PDK1: variants seen among roughly 807,000 people sequenced by gnomAD.
The protein encoded by PDK1 is pyruvate dehydrogenase kinase 1, also known as [Pyruvate dehydrogenase (acetyl-transferring)] kinase isozyme 1, mitochondrial.
PDK1 carries 39 observed loss-of-function variants against 54.2 expected under a neutral mutation model. The ratio of observed to expected loss-of-function variants is 0.72; its 90% CI spans 0.56 to 0.94. The LOEUF (loss-of-function observed/expected upper bound fraction) is 0.94. PDK1 is among the 40% of genes least tolerant of loss of function. PDK1 has a pLI of 0.00. For missense variants in PDK1, 552 were observed against 566.0 expected, an observed-to-expected ratio of 0.98 and a Z score of 0.25; for synonymous variants, 221 against 207.1, an observed-to-expected ratio of 1.07 and a Z score of -0.58.
At chr2:172,723,593 C>G in the PDK1 span, 1 of 151,516 alleles carries the variant, frequency 6.6e-6, no homozygotes, top group African/African-American at 2.4e-5. Flanking sequence ...TGTTTTAGAT[C>G]AAAAAAAACT....
the PDK1 span, among the ~76,000 whole-genome samples, chr2:172,634,928 C>T: frequency 6.6e-4 from 100 of 152,254 alleles, no homozygotes; most frequent in African/African-American, 2.4e-3. Context: ...CATGAAGGAA[C>T]TCTTTTCAGA....
chr2:172,575,307 A>G (rs539765085), intron 8 of PDK1, among the ~76,000 whole-genome samples: 98 of 152,266 alleles, frequency 6.4e-4, no homozygotes, highest in African/African-American at 2.3e-3. Flanking sequence ...GTTTGGTTTT[A>G]GTATCAGGAT....
At chr2:172,557,645 G>GTGTGTGTGTGTGTGT (rs1688415780) in intron 1 of PDK1, among the ~76,000 whole-genome samples, 1 of 131,216 alleles carries the variant, frequency 7.6e-6, no homozygotes, top group African/African-American at 3.1e-5. Flanking sequence ...GTGTGTGTGT[G>GTGTGTGTGTGTGTGT]TATTTTTTTT....
chr2:172,592,968 C>T lies in PDK1; in HGVS notation c.1090C>T (p.Leu364Phe), dbSNP rs1256692062. The T allele has an allele frequency of 1.2e-6, 2 of 1,612,472 alleles. No individual in the cohort carries two copies. Among genetic ancestry groups the T allele is most frequent in the Non-Finnish European group, 1.7e-6 (2 of 1,178,842 alleles). Residue 364 changes from leucine to phenylalanine, a missense_variant, in exon 10 of 11, where the codon CTT (leucine) becomes TTT (phenylalanine). Physicochemically the swap from Leu to Phe is conservative, Grantham distance 22. Transcript: ENST00000282077. ...GFGYGLPISR[L>F]YAQYFQGDLK... ...TGGTTATGGATTGCCCATATCACGT[C>T]TTTACGCACAATACTTCCAAGGAGA...
chr2:172,717,192 T>C, the PDK1 span, among the ~76,000 whole-genome samples: 5 of 152,136 alleles, frequency 3.3e-5, no homozygotes, highest in African/African-American at 4.8e-5. Context: ...CATTGCTCAC[T>C]CTAGGGGAAA....
At chr2:172,592,143 G>A (rs1238470999) in intron 9 of PDK1, among the ~76,000 whole-genome samples, 1 of 152,256 alleles carries the variant, frequency 6.6e-6, no homozygotes, top group Non-Finnish European at 1.5e-5. Flanking sequence ...AGTGGTCTCA[G>A]TGCTTCCGGG....
At chr2:172,621,299 A>T in the PDK1 span, among the ~76,000 whole-genome samples, 1 of 152,152 alleles carries the variant, frequency 6.6e-6, no homozygotes, top group Non-Finnish European at 1.5e-5. Context: ...CCATCTAATC[A>T]GCTGTCAGTG....
the PDK1 span, among the ~76,000 whole-genome samples, chr2:172,614,410 C>T: frequency 1.1e-4 from 16 of 152,160 alleles, no homozygotes; most frequent in African/African-American, 3.6e-4. Flanking sequence ...CTCTGAGGTC[C>T]GTAAAAGCCC....
chr2:172,625,068 C>A, the PDK1 span, among the ~76,000 whole-genome samples: 1,048 of 151,770 alleles, frequency 6.9e-3, 11 homozygotes, highest in African/African-American at 0.023. Flanking sequence ...AGGGAGAAAA[C>A]ATGGAGATAT....
chr2:172,590,973 G>T (rs973509785), intron 9 of PDK1, among the ~76,000 whole-genome samples: 1 of 152,108 alleles, frequency 6.6e-6, no homozygotes, highest in Non-Finnish European at 1.5e-5. Context: ...GGCGATGACC[G>T]CTGTAGCTAC....
At chr2:172,643,041 C>T in the PDK1 span, among the ~76,000 whole-genome samples, 2 of 152,188 alleles carry the variant, frequency 1.3e-5, no homozygotes, top group African/African-American at 4.8e-5. Context: ...TTTGCCTATT[C>T]AAGAGGAGCT....
chr2:172,675,436 T>TTC, the PDK1 span, among the ~76,000 whole-genome samples: 2 of 152,202 alleles, frequency 1.3e-5, no homozygotes, highest in East Asian at 3.9e-4. Context: ...TAGTGAGCAC[T>TTC]AGAATGATAA....
At chr2:172,664,993 T>A in the PDK1 span, among the ~76,000 whole-genome samples, 1 of 152,196 alleles carries the variant, frequency 6.6e-6, no homozygotes, top group Non-Finnish European at 1.5e-5. Flanking sequence ...TCATCTTATG[T>A]TGGTATTGCA....
the PDK1 span, among the ~76,000 whole-genome samples, chr2:172,647,833 A>T: frequency 0.26 from 1,242 of 4,692 alleles, 21 homozygotes; most frequent in Admixed American, 0.31. Context: ...TTTCTAAGGG[A>T]AGGTACTGTA....
At chr2:172,684,009 A>G in the PDK1 span, among the ~76,000 whole-genome samples, 3 of 152,354 alleles carry the variant, frequency 2.0e-5, no homozygotes, top group East Asian at 1.9e-4. Context: ...AGAGATTTTT[A>G]TAGCTGAGAA....
Position 172,586,408 on chromosome 2 carries a change from T to A in PDK1, c.1056+20T>A. On this transcript the variant is annotated intron_variant, in intron 9 of 10. Coordinates refer to ENST00000282077, the MANE Select transcript of PDK1 (RefSeq NM_002610.5). ...CCTCTGGTATGTTATCAAGAAATAA[T>A]GAAGTGTGTTTCTGTGAATTGCCTT... 1 of 1,451,886 alleles carries A rather than the reference T, an allele frequency of 6.9e-7. No individual in the cohort carries two copies. The highest frequency in any genetic ancestry group is 1.1e-5 in the South Asian group (1 of 87,656). The allele number at this position is 1,451,886 out of a possible 1,614,324, so 89.9% of individuals were successfully genotyped here. A position where few individuals can be genotyped will look rare whatever the true frequency, so the allele number is the denominator to read the frequency against.
At position 172,601,702 on chromosome 2, in the gene PDK1, C is replaced by T. The variant is rs965278932; in HGVS notation, c.*5733C>T. 6.6e-5 allele frequency: 10 copies of T among 152,096 alleles called. No individual in the cohort carries two copies. The highest frequency in any genetic ancestry group is 2.2e-4 in the African/African-American group (9 of 41,404). The allele number at this position is 152,096 out of a possible 1,614,324, so 9.4% of individuals were successfully genotyped here. The stretch of plus-strand genomic sequence containing the variant: ...GATGGACTAATACTCGCTGGGTTAG[C>T]TGGGGTAGGTAAAGCCACAGCTGTG... On this transcript the variant is annotated 3_prime_UTR_variant, in exon 11 of 11. Transcript: ENST00000282077.
At chr2:172,711,790 C>T in the PDK1 span, among the ~76,000 whole-genome samples, 2 of 141,660 alleles carry the variant, frequency 1.4e-5, no homozygotes, top group South Asian at 2.2e-4. Context: ...CACTTGAGCC[C>T]GAAAGGTTGA....
chr2:172,597,816 T>G lies in PDK1; in HGVS notation c.*1847T>G, dbSNP rs1341286031. 6.6e-6 allele frequency: 1 copy of G among 152,238 alleles called. No homozygotes were observed. Among genetic ancestry groups the G allele is most frequent in the Non-Finnish European group, 1.5e-5 (1 of 68,044 alleles). The allele number at this position is 152,238 out of a possible 1,614,324, so 9.4% of individuals were successfully genotyped here. Reference sequence around the variant, plus strand: ...AAGTTTAAAGAAGAGTTTTGCCACTTAAACAGGGGAGCTTTGTCTGGAAAA... The same window carrying G: ...AAGTTTAAAGAAGAGTTTTGCCACTGAAACAGGGGAGCTTTGTCTGGAAAA... On this transcript the variant is annotated 3_prime_UTR_variant, in exon 11 of 11. Transcript: ENST00000282077.
Sources: allele counts gnomAD v4.1 joint callset (sites outside exome capture counted in the v4.1 genomes callset), GRCh38; gene constraint gnomAD v4.1.1; transcripts MANE v1.5; gene names NCBI Gene and HGNC (gene_info 2026-07-23, HGNC 2026-07-21).